Variants in KDM7A observed in about 807,000 individuals in gnomAD.
The protein encoded by KDM7A is lysine-specific demethylase 7A.
KDM7A carries 28 observed loss-of-function variants against 114.8 expected under a neutral mutation model. The observed-to-expected ratio is 0.24, with a 90% CI of 0.18 to 0.33. The LOEUF (loss-of-function observed/expected upper bound fraction) is 0.33, where lower values mean the gene tolerates loss of function less well. Ranked by LOEUF, KDM7A falls within the 10% of genes least tolerant of loss-of-function variation. The pLI, the probability that KDM7A is intolerant of heterozygous loss-of-function variation, is 1.00. For missense variants in KDM7A, 942 were observed against 1,142.5 expected (o/e 0.82, Z 2.53); for synonymous variants, 423 against 397.8 (o/e 1.06, Z -0.75).
chr7:140,151,877 T>C (rs1471225504), intron 1 of KDM7A, among the ~76,000 whole-genome samples: 1 of 152,218 alleles, frequency 6.6e-6, no homozygotes, highest in Non-Finnish European at 1.5e-5. Context: ...AAGGGAAAGC[T>C]ATATTTTCTA....
At chr7:140,091,756 T>C (rs748224338) in intron 19 of KDM7A, 48 bp downstream of exon 19, 1 of 1,594,218 alleles carries the variant, frequency 6.3e-7, no homozygotes, top group Non-Finnish European at 8.6e-7. Flanking sequence ...ATGATGACCA[T>C]CACATACAGT....
In KDM7A at chr7:140,103,461, C is replaced by A. The variant is rs559437496; in HGVS notation, c.1429-1301G>T. Among the ~76,000 whole-genome samples, 6 of 151,942 alleles carry A rather than the reference C, an allele frequency of 3.9e-5. No individual in the cohort carries two copies. The East Asian group carries it at 5.8e-4, about 15-fold the overall frequency. ...ATTTCTCCTAATGTTATCCCTCCCC[C>A]CCCCTCCAACCCACGACAGGTCCCA... is the stretch of plus-strand genomic sequence containing the variant. On this transcript the variant is annotated intron_variant, in intron 11 of 19. Transcript: ENST00000397560.
chr7:140,099,741 G>A (rs915912999), intron 13 of KDM7A, among the ~76,000 whole-genome samples, 158 bp downstream of exon 13: 1 of 152,176 alleles, frequency 6.6e-6, no homozygotes, highest in African/African-American at 2.4e-5. Context: ...GATATGAGGT[G>A]CAACAGTTTA....
At chr7:140,109,064 C>T (rs1333664570) in intron 11 of KDM7A, among the ~76,000 whole-genome samples, 3 of 152,152 alleles carry the variant, frequency 2.0e-5, no homozygotes, top group Admixed American at 6.5e-5. Context: ...GTGGGACCCT[C>T]GGAGCCAGCG....
chr7:140,155,697 C>A (rs1227856778), intron 1 of KDM7A, among the ~76,000 whole-genome samples: 1 of 152,174 alleles, frequency 6.6e-6, no homozygotes, highest in South Asian at 2.1e-4. Flanking sequence ...AAAACACCAT[C>A]GATAAATGGC....
At chr7:140,162,792 A>G (rs1173704705) in intron 1 of KDM7A, among the ~76,000 whole-genome samples, 1 of 152,180 alleles carries the variant, frequency 6.6e-6, no homozygotes, top group Non-Finnish European at 1.5e-5. Context: ...TATATCCTGC[A>G]GCACTGTTAA....
At chr7:140,121,331 T>C (rs1305067542) in intron 7 of KDM7A, among the ~76,000 whole-genome samples, 2 of 152,258 alleles carry the variant, frequency 1.3e-5, no homozygotes, top group Non-Finnish European at 2.9e-5. Flanking sequence ...CACATATTTG[T>C]ATGCAAATTA....
rs1383130184 is a variant in KDM7A, at chr7:140,176,082, G to A, written c.194+662C>T. Among the ~76,000 whole-genome samples, 2 of 151,794 alleles carry A rather than the reference G, an allele frequency of 1.3e-5. No individual in the cohort carries two copies. Among genetic ancestry groups the A allele is most frequent in the African/African-American group, 2.4e-5 (1 of 41,366 alleles). ...CTTCCCCGGCACCTTTCAAGTCCCC[G>A]AGAGCGAGTGCCTCATCTGTTGCTC... On this transcript the variant is annotated intron_variant, in intron 1 of 19. Transcript: ENST00000397560. The surrounding 1 kb of genome is among the most constrained non-coding windows in gnomAD (Gnocchi z 4.4).
At chr7:140,155,673 G>A (rs997675185) in intron 1 of KDM7A, among the ~76,000 whole-genome samples, 7 of 152,182 alleles carry the variant, frequency 4.6e-5, no homozygotes, top group African/African-American at 7.2e-5. Context: ...AAAAAGAATC[G>A]CAAGGAAGGA....
intron 1 of KDM7A, among the ~76,000 whole-genome samples, chr7:140,163,215 C>CAA (rs1347924246): frequency 6.6e-6 from 1 of 152,066 alleles, no homozygotes; most frequent in Non-Finnish European, 1.5e-5. Flanking sequence ...AGAATGATCT[C>CAA]AATCTCCTGA....
intron 13 of KDM7A, 100 bp downstream of exon 13, chr7:140,099,799 C>G: frequency 1.8e-6 from 2 of 1,090,644 alleles, no homozygotes; most frequent in African/African-American, 1.5e-5. Context: ...TCCACAAAAC[C>G]GGTCCCTGGT....
At chr7:140,142,536 G>A (rs1348057767) in intron 1 of KDM7A, among the ~76,000 whole-genome samples, 1 of 151,982 alleles carries the variant, frequency 6.6e-6, no homozygotes, top group Admixed American at 6.6e-5. Context: ...AAGTAACTGG[G>A]GGAAATATAA....
intron 1 of KDM7A, among the ~76,000 whole-genome samples, chr7:140,145,749 C>T (rs549170227): frequency 3.3e-5 from 5 of 152,124 alleles, no homozygotes; most frequent in African/African-American, 1.2e-4. Flanking sequence ...CTCACCTTGA[C>T]CATGGCCACA....
intron 9 of KDM7A, among the ~76,000 whole-genome samples, chr7:140,116,726 CA>C (rs1484079243): frequency 8.0e-6 from 1 of 125,182 alleles, no homozygotes; most frequent in Non-Finnish European, 1.8e-5. Context: ...CACACATCAA[CA>C]AAAATGTCTT....
At chr7:140,101,797 A>C (rs1405476600) in intron 12 of KDM7A, among the ~76,000 whole-genome samples, 154 bp downstream of exon 12, 1 of 151,926 alleles carries the variant, frequency 6.6e-6, no homozygotes, top group Non-Finnish European at 1.5e-5. Context: ...ATTAAGCACC[A>C]CTCCCTGTCA....
chr7:140,091,013 G>T lies in KDM7A; in HGVS notation c.*81C>A. 2.1e-6 allele frequency: 2 copies of T among 960,130 alleles called. No individual in the cohort carries two copies. Among genetic ancestry groups the T allele is most frequent in the Non-Finnish European group, 3.4e-6 (2 of 589,592 alleles). The allele number at this position is 960,130 out of a possible 1,614,324, so 59.5% of individuals were successfully genotyped here. ...TTACTATACACACAAACTGCTCCAGGCAGGGGGACAGCGGAAGCTCCAGGC... is the reference window on the plus strand; with the variant it reads ...TTACTATACACACAAACTGCTCCAGTCAGGGGGACAGCGGAAGCTCCAGGC... On this transcript the variant is annotated 3_prime_UTR_variant, in exon 20 of 20. Transcript: ENST00000397560.
At chr7:140,173,055 AG>A (rs1794664403) in intron 1 of KDM7A, among the ~76,000 whole-genome samples, 2 of 152,224 alleles carry the variant, frequency 1.3e-5, no homozygotes, top group Non-Finnish European at 2.9e-5. Context: ...CAATTCAATT[AG>A]GGCAGTGAGG....
At chr7:140,175,343 T>C (rs139194693) in intron 1 of KDM7A, among the ~76,000 whole-genome samples, 1 of 152,334 alleles carries the variant, frequency 6.6e-6, no homozygotes, top group East Asian at 1.9e-4. Flanking sequence ...TGGCCTGGTC[T>C]TGTAGTGTTT....
intron 1 of KDM7A, among the ~76,000 whole-genome samples, chr7:140,160,484 T>C (rs1299922464): frequency 2.6e-5 from 4 of 152,220 alleles, no homozygotes; most frequent in Non-Finnish European, 1.5e-5. Flanking sequence ...TCTGCAGACC[T>C]GCAAGAGATA....
Sources: gnomAD v4.1 joint callset for allele counts (sites outside exome capture counted in the v4.1 genomes callset) on GRCh38, gnomAD v4.1.1 for gene constraint, Gnocchi (gnomAD v3.1) non-coding constraint, MANE v1.5 for transcripts, NCBI Gene and HGNC (gene_info 2026-07-23, HGNC 2026-07-21) for gene names.